Variants in EYS observed in about 807,000 individuals in gnomAD.
EYS encodes the protein protein eyes shut homolog.
In EYS, 250 loss-of-function variants were observed where a neutral mutation model predicts 282.1. That is an observed-to-expected ratio of 0.89 (90% CI 0.80 to 0.98). The LOEUF (loss-of-function observed/expected upper bound fraction) is 0.98, where lower values mean the gene tolerates loss of function less well. Among genes scored for constraint, EYS ranks in the 50% least tolerant of loss-of-function variants. The pLI, the probability that EYS is intolerant of heterozygous loss-of-function variation, is 0.00. For synonymous variants in EYS, 1,355 were observed against 1,282.9 expected (o/e 1.06, Z -1.20); for missense variants, 4,016 against 3,709.0 (o/e 1.08, Z -2.15).
At chr6:64,392,923 C>T (rs546639192) in intron 28 of EYS, among the ~76,000 whole-genome samples, 138 of 152,036 alleles carry the variant, frequency 9.1e-4, no homozygotes, top group African/African-American at 3.1e-3. Context: ...CAAATAGACG[C>T]AATAAAAAAT....
chr6:64,765,022 C>A lies in EYS; in HGVS notation c.3443+48356G>T, dbSNP rs572519541. Among the ~76,000 whole-genome samples, 6 of 152,338 alleles carry A rather than the reference C, an allele frequency of 3.9e-5. No homozygotes were observed. In the East Asian group the frequency reaches 5.8e-4, roughly 15 times the overall value. On this transcript the variant is annotated intron_variant, in intron 22 of 42. Transcript: ENST00000503581. ...AAAGTGCTGGGATTATAGGCGTCAG[C>A]CACCGCGCCTGCCCCTTCCTTCTTT...
chr6:64,768,982 T>G (rs1339046515), intron 22 of EYS, among the ~76,000 whole-genome samples: 1 of 152,108 alleles, frequency 6.6e-6, no homozygotes, highest in African/African-American at 2.4e-5. Context: ...TAGATCCTGT[T>G]GCTTCCTTGA....
intron 23 of EYS, among the ~76,000 whole-genome samples, chr6:64,625,052 T>C (rs1467362877): frequency 1.3e-5 from 2 of 152,130 alleles, no homozygotes; most frequent in African/African-American, 2.4e-5. Context: ...TTTTTTTAAG[T>C]GACCAGAAAT....
chr6:63,891,178 A>C (rs1393858254), intron 35 of EYS, among the ~76,000 whole-genome samples: 2 of 152,092 alleles, frequency 1.3e-5, no homozygotes, highest in Non-Finnish European at 2.9e-5. Context: ...AGCTGGTACC[A>C]TCTTCTTAAC....
intron 36 of EYS, among the ~76,000 whole-genome samples, chr6:63,810,900 A>T (rs1282648738): frequency 1.3e-5 from 2 of 152,192 alleles, no homozygotes; most frequent in Non-Finnish European, 2.9e-5. Flanking sequence ...ATCAACAGAG[A>T]ACTACCTGAT....
rs1483199686 is a variant in EYS at position 65,369,066 on chromosome 6, A to C, written c.1299+15320T>G. On this transcript the variant is annotated intron_variant, in intron 8 of 42. Transcript: ENST00000503581. ...AATGAAGTGGAGCAAGCTCTCTGTT[A>C]TTATCACACAAGTTCATTCTACTTA... Among the ~76,000 whole-genome samples the C allele has an allele frequency of 4.0e-5, 6 of 151,046 alleles. No individual in the cohort carries two copies. In the East Asian group the frequency reaches 7.8e-4, roughly 20 times the overall value.
At chr6:64,345,859 A>G (rs1420842730) in intron 29 of EYS, among the ~76,000 whole-genome samples, 3 of 152,150 alleles carry the variant, frequency 2.0e-5, no homozygotes, top group Non-Finnish European at 4.4e-5. Context: ...TTACAAGAAA[A>G]AAATAAAAAA....
At chr6:65,151,809 AATTAG>A (rs1194722271) in intron 12 of EYS, among the ~76,000 whole-genome samples, 2 of 151,978 alleles carry the variant, frequency 1.3e-5, no homozygotes, top group African/African-American at 2.4e-5. Context: ...GTCTCTTAAT[AATTAG>A]ATTATAGGAA....
chr6:64,850,786 G>T (rs1464302207), intron 19 of EYS, among the ~76,000 whole-genome samples: 1 of 152,016 alleles, frequency 6.6e-6, no homozygotes, highest in Non-Finnish European at 1.5e-5. Flanking sequence ...TAGTTCAAAA[G>T]TAATTAAGAA....
At chr6:64,124,549 G>T (rs918424182) in intron 31 of EYS, among the ~76,000 whole-genome samples, 5 of 152,188 alleles carry the variant, frequency 3.3e-5, no homozygotes, top group African/African-American at 1.2e-4. Context: ...TGGAGTTACT[G>T]CAGTTCAGTG....
rs114532714 is a variant in EYS at position 64,209,513 on chromosome 6, A to G, written c.6424+21079T>C. ...AGATACTGTATATTCATATATCTGC[A>G]TAATGGCCATGCAATCTTAAATACC... is the stretch of plus-strand genomic sequence containing the variant. On this transcript the variant is annotated intron_variant, in intron 31 of 42. Transcript: ENST00000503581. Among the ~76,000 whole-genome samples the G allele has an allele frequency of 1.5e-3, 233 of 152,314 alleles. 1 individual carries two copies. The highest frequency in any genetic ancestry group is 5.3e-3 in the African/African-American group (221 of 41,574).
chr6:65,188,301 T>G (rs1765560271), intron 12 of EYS, among the ~76,000 whole-genome samples: 1 of 151,676 alleles, frequency 6.6e-6, no homozygotes, highest in African/African-American at 2.4e-5. Flanking sequence ...CTATAAAAGT[T>G]AATGGAAATA....
At position 65,639,836 on chromosome 6, in the gene EYS, T is replaced by A. The variant is rs1767217875; in HGVS notation, c.-391A>T. The A allele has an allele frequency of 6.6e-6, 1 of 152,136 alleles. No individual in the cohort carries two copies. Among genetic ancestry groups the A allele is most frequent in the Non-Finnish European group, 1.5e-5 (1 of 68,014 alleles). 9.4% of individuals were successfully genotyped at this position (152,136 alleles called of 1,614,324 possible). A position where few individuals can be genotyped will look rare whatever the true frequency, so the allele number is the denominator to read the frequency against. ...CAGTGTTTTATTTGCTAAATAAATA[T>A]GGAGCAGAGGATCCAGACTTGACTC... On this transcript the variant is annotated 5_prime_UTR_variant, in exon 2 of 43. Coordinates refer to ENST00000503581, the MANE Select transcript of EYS (RefSeq NM_001142800.2).
At chr6:65,223,227 C>T (rs929640894) in intron 12 of EYS, among the ~76,000 whole-genome samples, 11 of 151,914 alleles carry the variant, frequency 7.2e-5, no homozygotes, top group East Asian at 5.8e-4. Flanking sequence ...ATTAGCTGGG[C>T]GTGGTGGTAG....
chr6:65,503,838 C>T (rs1766551248), intron 2 of EYS, among the ~76,000 whole-genome samples: 2 of 151,598 alleles, frequency 1.3e-5, no homozygotes, highest in South Asian at 4.1e-4. Context: ...TTGTCAATAC[C>T]AGGCTACCTT....
chr6:65,198,774 G>A (rs639942), intron 12 of EYS, among the ~76,000 whole-genome samples: 3,302 of 152,216 alleles, frequency 0.022, 109 homozygotes, highest in African/African-American at 0.076. Flanking sequence ...TAATCCAAAA[G>A]GGGGATTTGG....
At chr6:64,534,437 A>G (rs572218091) in intron 26 of EYS, among the ~76,000 whole-genome samples, 12 of 152,244 alleles carry the variant, frequency 7.9e-5, no homozygotes, top group African/African-American at 2.9e-4. Flanking sequence ...GCAGGAAGAA[A>G]TCTTGTTTCT....
At chr6:64,851,875 C>T (rs529399856) in intron 19 of EYS, among the ~76,000 whole-genome samples, 12 of 152,062 alleles carry the variant, frequency 7.9e-5, no homozygotes, top group African/African-American at 2.4e-4. Flanking sequence ...GTGGTCTGTA[C>T]AAGAAACCCC....
intron 42 of EYS, 86 bp from the exon 43 acceptor site, chr6:63,721,883 GT>G: frequency 7.8e-7 from 1 of 1,286,120 alleles, no homozygotes; most frequent in Non-Finnish European, 1.1e-6. Context: ...AGTTGGATAA[GT>G]TTTAGTTATG....
Sources: gnomAD v4.1 joint callset for allele counts (sites outside exome capture counted in the v4.1 genomes callset) on GRCh38, gnomAD v4.1.1 for gene constraint, MANE v1.5 for transcripts, NCBI Gene and HGNC (gene_info 2026-07-23, HGNC 2026-07-21) for gene names.